TMEFF2: variants seen among roughly 807,000 people sequenced by gnomAD.
TMEFF2 encodes transmembrane protein with EGF like and two follistatin like domains 2, also known as tomoregulin-2.
A neutral mutation model predicts 53.8 loss-of-function variants in TMEFF2; 28 were observed. The ratio of observed to expected loss-of-function variants is 0.52; its 90% CI spans 0.39 to 0.71. The LOEUF is 0.71. TMEFF2 is among the 30% of genes least tolerant of loss of function. The pLI, the probability that TMEFF2 is intolerant of heterozygous loss-of-function variation, is 0.00. For missense variants in TMEFF2, 353 were observed against 455.2 expected (o/e 0.78, Z 2.04); for synonymous variants, 162 against 166.3 (o/e 0.97, Z 0.20).
At chr2:192,027,033 T>C (rs1318624245) in intron 5 of TMEFF2, among the ~76,000 whole-genome samples, 3 of 152,232 alleles carry the variant, frequency 2.0e-5, no homozygotes, top group African/African-American at 7.2e-5. Flanking sequence ...TCATTAATTT[T>C]CTTTTCAAGT....
At chr2:192,149,337 C>T (rs1690328975) in intron 4 of TMEFF2, among the ~76,000 whole-genome samples, 1 of 151,880 alleles carries the variant, frequency 6.6e-6, no homozygotes, top group African/African-American at 2.4e-5. Context: ...GCTCTTCTGC[C>T]TCCAAAAATA....
intron 4 of TMEFF2, among the ~76,000 whole-genome samples, chr2:192,164,717 A>G (rs2106015452): frequency 8.5e-6 from 1 of 117,130 alleles, no homozygotes; most frequent in South Asian, 2.7e-4. Flanking sequence ...ACATAGCGAG[A>G]CTTCGTCTCA....
At position 192,057,695 on chromosome 2, in the gene TMEFF2, C is replaced by G; in HGVS notation, c.520G>C (p.Asp174His). The G allele has an allele frequency of 6.2e-7, 1 of 1,614,010 alleles. No individual in the cohort carries two copies. The highest frequency in any genetic ancestry group is 8.5e-7 in the Non-Finnish European group (1 of 1,179,886). ...ICQFGAECDEDAEDVWCVCNI... is the reference protein window; with the variant it reads ...ICQFGAECDEHAEDVWCVCNI... ...GCATATTACCAGACATCCTCGGCAT[C>G]TTCGTCACATTCTGCACCAAACTGG... The change falls in exon 5 of 10, where the codon GAT (aspartate) becomes CAT (histidine). Residue 174 changes from aspartate to histidine, a missense_variant. This residue lies in a region of TMEFF2 where 294 missense variants were observed against 397.3 expected (regional missense o/e 0.74). Coordinates refer to ENST00000272771, the MANE Select transcript of TMEFF2 (RefSeq NM_016192.4).
intron 4 of TMEFF2, among the ~76,000 whole-genome samples, chr2:192,136,201 C>T (rs962427449): frequency 2.0e-5 from 3 of 152,036 alleles, no homozygotes; most frequent in African/African-American, 7.2e-5. Flanking sequence ...TATTATAATC[C>T]ATCTTTAATT....
At chr2:192,120,158 T>A (rs895347600) in intron 4 of TMEFF2, among the ~76,000 whole-genome samples, 1 of 152,172 alleles carries the variant, frequency 6.6e-6, no homozygotes, top group African/African-American at 2.4e-5. Flanking sequence ...ACCACAGCCC[T>A]GCTAAATACC....
chr2:192,119,657 T>A (rs1669518978), intron 4 of TMEFF2, among the ~76,000 whole-genome samples: 1 of 152,180 alleles, frequency 6.6e-6, no homozygotes, highest in African/African-American at 2.4e-5. Flanking sequence ...AGACAATACA[T>A]CCCTCATAAA....
intron 4 of TMEFF2, among the ~76,000 whole-genome samples, chr2:192,115,198 A>G (rs898854609): frequency 6.6e-6 from 1 of 152,038 alleles, no homozygotes; most frequent in Non-Finnish European, 1.5e-5. Context: ...CTACAAAGCT[A>G]TGGTAATCAA....
At position 191,950,047 on chromosome 2, in the gene TMEFF2, A is replaced by T. The variant is rs889864721; in HGVS notation, c.*264T>A. The T allele has an allele frequency of 7.2e-5, 85 of 1,173,308 alleles. No homozygotes were observed. The highest frequency in any genetic ancestry group is 8.8e-5 in the Non-Finnish European group (83 of 941,918). The allele number at this position is 1,173,308 out of a possible 1,614,324, so 72.7% of individuals were successfully genotyped here. ...TCTCATCACTGAGTATTTATTATAT[A>T]TAACAAATACATGGGAAAGAAAAAA... On this transcript the variant is annotated 3_prime_UTR_variant, in exon 10 of 10. Coordinates refer to ENST00000272771, the MANE Select transcript of TMEFF2 (RefSeq NM_016192.4).
intron 2 of TMEFF2, among the ~76,000 whole-genome samples, chr2:192,189,602 G>C (rs1032153466): frequency 2.2e-5 from 3 of 133,790 alleles, no homozygotes; most frequent in Non-Finnish European, 3.2e-5. Context: ...AGGCAGCAGA[G>C]AAAGAAACAG....
chr2:192,126,026 A>G (rs1180138487), intron 4 of TMEFF2, among the ~76,000 whole-genome samples: 1 of 152,190 alleles, frequency 6.6e-6, no homozygotes, highest in Non-Finnish European at 1.5e-5. Context: ...CAGAACTTAA[A>G]ATAAAAGTTA....
At chr2:191,969,790 G>A (rs1692582852) in intron 7 of TMEFF2, among the ~76,000 whole-genome samples, 1 of 152,134 alleles carries the variant, frequency 6.6e-6, no homozygotes, top group South Asian at 2.1e-4. Flanking sequence ...TCTTCTCATA[G>A]TCAGGAATAA....
Position 192,122,565 on chromosome 2 carries a change from A to C in TMEFF2, c.439+57103T>G, listed in dbSNP as rs116095093. On this transcript the variant is annotated intron_variant, in intron 4 of 9. Transcript: ENST00000272771. ...TTTTAAATATGGTGTATGGTACTGC[A>C]TTATACGGCTTCGGTACTGATCAAC... 2.7e-3 allele frequency among the ~76,000 whole-genome samples: 416 copies of C among 152,280 alleles called. 2 individuals are homozygous for C. The highest frequency in any genetic ancestry group is 4.5e-3 in the Admixed American group (69 of 15,292).
intron 8 of TMEFF2, 48 bp downstream of exon 8, chr2:191,956,206 CT>C (rs1306882611): frequency 6.5e-7 from 1 of 1,532,862 alleles, no homozygotes; most frequent in East Asian, 2.3e-5. Context: ...AATTTAGTTT[CT>C]ACATATTAAC....
intron 7 of TMEFF2, among the ~76,000 whole-genome samples, chr2:191,970,902 T>G (rs1334089919): frequency 6.6e-6 from 1 of 152,218 alleles, no homozygotes; most frequent in African/African-American, 2.4e-5. Context: ...TCTCAAAAGT[T>G]TCCTACTTTG....
intron 5 of TMEFF2, among the ~76,000 whole-genome samples, chr2:192,051,202 T>C (rs1687762013): frequency 6.8e-6 from 1 of 147,936 alleles, no homozygotes; most frequent in East Asian, 2.0e-4. Flanking sequence ...TTGGATTTTC[T>C]AGAGCAGATC....
chr2:192,083,117 G>T (rs1688591336), intron 4 of TMEFF2, among the ~76,000 whole-genome samples: 2 of 151,944 alleles, frequency 1.3e-5, no homozygotes, highest in Admixed American at 1.3e-4. Context: ...ACATTTACAG[G>T]CCCTTAGGAA....
At chr2:191,984,283 A>C (rs1685924216) in intron 7 of TMEFF2, among the ~76,000 whole-genome samples, 1 of 152,156 alleles carries the variant, frequency 6.6e-6, no homozygotes, top group Non-Finnish European at 1.5e-5. Flanking sequence ...AGTTAATCTA[A>C]GTTTCTCCAA....
chr2:191,984,791 T>C (rs1347667233), intron 7 of TMEFF2, among the ~76,000 whole-genome samples: 2 of 152,102 alleles, frequency 1.3e-5, no homozygotes, highest in Admixed American at 1.3e-4. Context: ...CTTATCCTTT[T>C]GGGAAATGGA....
chr2:192,113,778 A>G (rs1308532798), intron 4 of TMEFF2, among the ~76,000 whole-genome samples: 1 of 152,146 alleles, frequency 6.6e-6, no homozygotes, highest in Non-Finnish European at 1.5e-5. Flanking sequence ...ATAGTAGCTA[A>G]CAGTTGCTGG....
Sources: allele counts gnomAD v4.1 joint callset (sites outside exome capture counted in the v4.1 genomes callset), GRCh38; gene constraint gnomAD v4.1.1; regional missense constraint gnomAD v4.1.1; transcripts MANE v1.5; gene names NCBI Gene and HGNC (gene_info 2026-07-23, HGNC 2026-07-21).